SAMD4A: variants seen among roughly 807,000 people sequenced by gnomAD.
SAMD4A encodes sterile alpha motif domain containing 4A, also known as protein Smaug homolog 1.
Under a neutral mutation model 81.3 loss-of-function variants are expected in SAMD4A, and 33 were observed. That is an observed-to-expected ratio of 0.41 (90% CI 0.31 to 0.54). The LOEUF (loss-of-function observed/expected upper bound fraction) is 0.54. SAMD4A is among the 20% of genes least tolerant of loss of function. The probability of loss-of-function intolerance (pLI) is 0.37; values close to 1 mark genes in which losing one functional copy is unlikely to be tolerated. For synonymous variants in SAMD4A, 389 were observed against 382.1 expected (o/e 1.02, Z -0.21); for missense variants, 854 against 951.1 (o/e 0.90, Z 1.34).
Position 54,684,612 on chromosome 14 carries a change from G to GCC in SAMD4A, c.197-17440_197-17439dup, listed in dbSNP as rs780497625. Among the ~76,000 whole-genome samples, 349 of 81,738 alleles carry GCC rather than the reference G, an allele frequency of 4.3e-3. 2 individuals are homozygous for GCC. The highest frequency in any genetic ancestry group is 0.015 in the African/African-American group (329 of 21,384). The allele number at this position is 81,738 out of a possible 152,430, so 53.6% of individuals were successfully genotyped here. ...CTGTTTCCATTGGCCAGACACCCCC[G>GCC]CCCCCCCCCCCAACCAGAAACGGGA... On this transcript the variant is annotated intron_variant, in intron 2 of 12. Coordinates refer to ENST00000554335, the MANE Select transcript of SAMD4A (RefSeq NM_015589.6).
intron 8 of SAMD4A, among the ~76,000 whole-genome samples, chr14:54,765,186 C>T (rs989261912): frequency 2.0e-5 from 3 of 152,100 alleles, no homozygotes; most frequent in African/African-American, 4.8e-5. Flanking sequence ...GGAGTTGCAC[C>T]TCAGACCTAA....
At chr14:54,745,270 A>G (rs1046280013) in intron 4 of SAMD4A, among the ~76,000 whole-genome samples, 1 of 152,178 alleles carries the variant, frequency 6.6e-6, no homozygotes, top group Admixed American at 6.5e-5. Context: ...TCAGCATTGC[A>G]TATCTCAGCC....
Position 54,567,492 on chromosome 14 carries a change from C to G in SAMD4A, c.-421-4C>G, listed in dbSNP as rs1341698475. On this transcript the variant is annotated splice_polypyrimidine_tract_variant and splice_region_variant and intron_variant, in intron 1 of 12. Transcript: ENST00000554335. ...TCTCACTGCAGCTCTTTCTCTCCTT[C>G]CAGTGGTGATCGCCGCTCGGGAATG... 2 of 201,624 alleles carry G rather than the reference C, an allele frequency of 9.9e-6. No homozygotes were observed. Among genetic ancestry groups the G allele is most frequent in the African/African-American group, 4.8e-5 (2 of 41,790 alleles). 12.5% of individuals were successfully genotyped at this position (201,624 alleles called of 1,614,324 possible).
At chr14:54,638,332 A>G (rs1458873037) in intron 2 of SAMD4A, among the ~76,000 whole-genome samples, 1 of 152,134 alleles carries the variant, frequency 6.6e-6, no homozygotes, top group Non-Finnish European at 1.5e-5. Flanking sequence ...AATTTCCCCC[A>G]TTTGTCATGC....
At chr14:54,650,523 A>G (rs551417273) in intron 2 of SAMD4A, among the ~76,000 whole-genome samples, 1 of 152,316 alleles carries the variant, frequency 6.6e-6, no homozygotes, top group African/African-American at 2.4e-5. Flanking sequence ...GTGGGTTGGC[A>G]GTAGGGAACA....
chr14:54,621,261 A>ACAGCC (rs1566551607), intron 2 of SAMD4A, among the ~76,000 whole-genome samples: 1 of 152,222 alleles, frequency 6.6e-6, no homozygotes, highest in Non-Finnish European at 1.5e-5. Context: ...CTCACCACAG[A>ACAGCC]CAGCCCAGAT....
chr14:54,625,856 G>A (rs2034731881), intron 2 of SAMD4A, among the ~76,000 whole-genome samples: 1 of 152,036 alleles, frequency 6.6e-6, no homozygotes, highest in African/African-American at 2.4e-5. Context: ...CCCATGCATT[G>A]TACCTTTAAA....
intron 3 of SAMD4A, among the ~76,000 whole-genome samples, chr14:54,714,332 T>A (rs2037066269): frequency 6.6e-6 from 1 of 152,232 alleles, no homozygotes; most frequent in African/African-American, 2.4e-5. Context: ...CACACTGAAT[T>A]CAACAGTAGA....
intron 2 of SAMD4A, among the ~76,000 whole-genome samples, chr14:54,572,580 A>G (rs1017253443): frequency 3.3e-5 from 5 of 152,216 alleles, no homozygotes; most frequent in Non-Finnish European, 7.3e-5. Flanking sequence ...AGAAGGAAGG[A>G]TGGAAATAGA....
intron 6 of SAMD4A, among the ~76,000 whole-genome samples, chr14:54,757,935 A>C (rs1015259758): frequency 2.6e-5 from 4 of 152,170 alleles, no homozygotes; most frequent in African/African-American, 9.7e-5. Flanking sequence ...TGCACTGGTC[A>C]CATCATCAGG....
At chr14:54,570,666 TATA>T (rs1300235743) in intron 2 of SAMD4A, among the ~76,000 whole-genome samples, 2 of 152,248 alleles carry the variant, frequency 1.3e-5, no homozygotes, top group Non-Finnish European at 2.9e-5. Context: ...GGCACCACTC[TATA>T]ATAACATAAA....
upstream of SAMD4A, among the ~76,000 whole-genome samples, chr14:54,566,104 G>A (rs1334111010): frequency 6.6e-6 from 1 of 151,466 alleles, no homozygotes; most frequent in African/African-American, 2.4e-5. Context: ...CGGCTCGGGC[G>A]GCTCAGTCCT....
chr14:54,602,446 C>T (rs999656407), intron 2 of SAMD4A, among the ~76,000 whole-genome samples: 16 of 151,960 alleles, frequency 1.1e-4, no homozygotes, highest in Admixed American at 2.6e-4. Flanking sequence ...GTTCTAGTCT[C>T]TTCTGGTTGC....
At position 54,775,370 on chromosome 14, in the gene SAMD4A, C is replaced by A. The variant is rs147275982; in HGVS notation, c.1917+235C>A. The stretch of plus-strand genomic sequence containing the variant: ...CCACTTTAACCTTGGGGACCCTGCA[C>A]AAGAGGACCTTTAGAAAGAAATGCA... On this transcript the variant is annotated intron_variant, in intron 10 of 12. Transcript: ENST00000554335. Among the ~76,000 whole-genome samples the A allele has an allele frequency of 2.2e-4, 34 of 152,370 alleles. No homozygotes were observed. The East Asian group carries it at 6.5e-3, about 29-fold the overall frequency.
chr14:54,729,535 T>A (rs1158324306), intron 3 of SAMD4A, among the ~76,000 whole-genome samples: 1 of 152,200 alleles, frequency 6.6e-6, no homozygotes, highest in Non-Finnish European at 1.5e-5. Context: ...CTTGGTGAAA[T>A]AATAAAATTC....
upstream of SAMD4A, among the ~76,000 whole-genome samples, chr14:54,566,027 G>A (rs569159549): frequency 6.6e-6 from 1 of 151,996 alleles, no homozygotes; most frequent in African/African-American, 2.4e-5. Context: ...CTCTCCCCCC[G>A]CTCGGGCGCT....
rs756002874 is a variant in SAMD4A at position 54,775,041 on chromosome 14, C to T, written c.1823C>T (p.Ser608Phe). The T allele has an allele frequency of 1.2e-6, 2 of 1,614,228 alleles. No individual in the cohort carries two copies. The highest frequency in any genetic ancestry group is 3.3e-5 in the Admixed American group (2 of 60,032). The change falls in exon 10 of 13, where the codon TCC becomes TTC. Residue 608 changes from serine (S) to phenylalanine (F), a missense_variant. Ser to Phe is a radical substitution (Grantham distance 155). Around this residue, in one of 3 missense-constraint regions of SAMD4A, gnomAD observed 428 missense variants for 471.2 expected, o/e 0.91. Transcript: ENST00000554335. Reference sequence around the variant, plus strand: ...CAGATCCCCTCTCGGAACGTCCCTTCCGCCCGCCTGGGCCTCTTGGGCACC... The same window carrying T: ...CAGATCCCCTCTCGGAACGTCCCTTTCGCCCGCCTGGGCCTCTTGGGCACC... The part of the protein sequence containing the change: ...QYQIPSRNVP[S>F]ARLGLLGTSG...
At chr14:54,669,080 T>G (rs537577940) in intron 2 of SAMD4A, among the ~76,000 whole-genome samples, 40 of 152,232 alleles carry the variant, frequency 2.6e-4, no homozygotes, top group Non-Finnish European at 4.9e-4. Flanking sequence ...AATACCACCA[T>G]TAAGCCATTC....
Position 54,766,100 on chromosome 14 carries a change from A to G in SAMD4A, c.1596+1560A>G, listed in dbSNP as rs188306280. 3.5e-4 allele frequency among the ~76,000 whole-genome samples: 54 copies of G among 152,140 alleles called. No homozygotes were observed. In the East Asian group the frequency reaches 9.3e-3, roughly 26 times the overall value. ...AAAAAAATGGTTTTTTCCCTCTTTA[A>G]TGGCTTCCCTAGAGCACCCAGGCAT... On this transcript the variant is annotated intron_variant, in intron 8 of 12. Transcript: ENST00000554335.
Sources: gnomAD v4.1 joint callset for allele counts (sites outside exome capture counted in the v4.1 genomes callset) on GRCh38, gnomAD v4.1.1 for gene constraint, gnomAD v4.1.1 regional missense constraint, MANE v1.5 for transcripts, NCBI Gene and HGNC (gene_info 2026-07-23, HGNC 2026-07-21) for gene names.